PALM2AKAP2: variants seen among roughly 807,000 people sequenced by gnomAD.
PALM2AKAP2 encodes PALM2-AKAP2 fusion protein.
PALM2AKAP2 carries 37 observed loss-of-function variants against 71.5 expected under a neutral mutation model. That is an observed-to-expected ratio of 0.52 (90% confidence interval 0.40 to 0.68). The LOEUF is 0.68. PALM2AKAP2 is among the 30% of genes least tolerant of loss of function. The probability of loss-of-function intolerance (pLI) is 0.00; values close to 1 mark genes in which losing one functional copy is unlikely to be tolerated. For synonymous variants in PALM2AKAP2, 468 were observed against 478.8 expected (o/e 0.98, Z 0.29); for missense variants, 1,224 against 1,191.8 (o/e 1.03, Z -0.40).
intron 1 of PALM2AKAP2, among the ~76,000 whole-genome samples, chr9:110,117,717 G>A (rs1835393164): frequency 6.6e-6 from 1 of 152,098 alleles, no homozygotes; most frequent in African/African-American, 2.4e-5. Context: ...ATCCATTCCT[G>A]GGTTGACCAT....
At chr9:109,965,792 G>A (rs1386708874) in intron 6 of PALM2AKAP2, among the ~76,000 whole-genome samples, 1 of 152,008 alleles carries the variant, frequency 6.6e-6, no homozygotes, top group East Asian at 1.9e-4. Flanking sequence ...AAGATACTCA[G>A]GGGGAAAAAA....
chr9:110,125,578 G>GGC (rs1588123086), intron 1 of PALM2AKAP2: 4 of 985,344 alleles, frequency 4.1e-6, no homozygotes, highest in Non-Finnish European at 4.8e-6. Flanking sequence ...GGAGGTTTGA[G>GGC]GCGCGCGCTC....
intron 6 of PALM2AKAP2, among the ~76,000 whole-genome samples, chr9:110,007,298 G>T (rs534381380): frequency 2.0e-5 from 3 of 152,216 alleles, no homozygotes; most frequent in African/African-American, 7.2e-5. Flanking sequence ...GTTGTTTAAT[G>T]CCCCATTAAA....
chr9:109,915,669 A>G (rs2131914060), intron 3 of PALM2AKAP2, among the ~76,000 whole-genome samples: 1 of 152,234 alleles, frequency 6.6e-6, no homozygotes, highest in South Asian at 2.1e-4. Context: ...TACGTAAAAC[A>G]CTCATAACAG....
intron 3 of PALM2AKAP2, among the ~76,000 whole-genome samples, chr9:109,894,459 T>C (rs1239054165): frequency 6.6e-6 from 1 of 152,192 alleles, no homozygotes; most frequent in Middle Eastern, 3.2e-3. Context: ...GAAAGTATGG[T>C]CCAGGGACTG....
chr9:109,839,850 C>T (rs1253529340), intron 1 of PALM2AKAP2, among the ~76,000 whole-genome samples: 3 of 152,052 alleles, frequency 2.0e-5, no homozygotes, highest in Non-Finnish European at 2.9e-5. Flanking sequence ...AACCACTGCT[C>T]AACGAAATAG....
At chr9:110,137,152 C>T (rs770245489) in exon 2 of PALM2AKAP2, 4 of 1,613,554 alleles carry the variant, frequency 2.5e-6, no homozygotes, top group South Asian at 1.1e-5. Flanking sequence ...CTCATGAACG[C>T]GCAAGCATGA....
At chr9:109,764,126 T>C (rs142540593) in intron 1 of PALM2AKAP2, among the ~76,000 whole-genome samples, 83 of 152,192 alleles carry the variant, frequency 5.5e-4, no homozygotes, top group African/African-American at 2.0e-3. Context: ...CTTATAATAG[T>C]CTCCTTGCCT....
intron 1 of PALM2AKAP2, among the ~76,000 whole-genome samples, chr9:109,699,536 A>G (rs771589858): frequency 2.6e-4 from 40 of 152,226 alleles, no homozygotes; most frequent in Non-Finnish European, 4.7e-4. Context: ...ATAGGCCAGA[A>G]CATTATTCCA....
At chr9:109,684,753 G>A (rs1827784612) in intron 1 of PALM2AKAP2, among the ~76,000 whole-genome samples, 1 of 152,106 alleles carries the variant, frequency 6.6e-6, no homozygotes, top group Non-Finnish European at 1.5e-5. Context: ...GCTGAAAAGA[G>A]GTTAAACATA....
rs958927406 is a variant in PALM2AKAP2, at chr9:109,855,969, A to G, written c.46-11522A>G. Among the ~76,000 whole-genome samples the G allele has an allele frequency of 2.1e-4, 32 of 152,222 alleles. 1 individual carries two copies. The highest frequency in any genetic ancestry group is 5.9e-5 in the Non-Finnish European group (4 of 68,018). ...AATATGTTTTTAAAACATTGCAATT[A>G]TTAACAAAGTGGTAGTTTCTTTCAT... On this transcript the variant is annotated intron_variant, in intron 1 of 9. Transcript: ENST00000302798.
In PALM2AKAP2 at chr9:109,851,545, A is replaced by G. The variant is rs1206619207; in HGVS notation, c.46-15946A>G. Among the ~76,000 whole-genome samples the G allele has an allele frequency of 3.9e-5, 6 of 152,340 alleles. No homozygotes were observed. In the South Asian group the frequency reaches 1.0e-3, roughly 26 times the overall value. ...ATACACATGTTATCTACCTGGTGAT[A>G]GATACCAAAGGGAAGCAAAGTACCA... On this transcript the variant is annotated intron_variant, in intron 1 of 9. Coordinates refer to the PALM2AKAP2 transcript ENST00000302798.
chr9:109,776,581 A>C (rs1829351394), upstream of PALM2AKAP2, among the ~76,000 whole-genome samples: 1 of 152,230 alleles, frequency 6.6e-6, no homozygotes, highest in East Asian at 1.9e-4. Context: ...ATTGCCTGCC[A>C]TACCATGGCT....
At chr9:109,939,956 A>G (rs1416128574) in intron 6 of PALM2AKAP2, among the ~76,000 whole-genome samples, 1 of 152,228 alleles carries the variant, frequency 6.6e-6, no homozygotes, top group Non-Finnish European at 1.5e-5. Context: ...AACAGAGTGT[A>G]TCTTATTATG....
At chr9:110,036,190 C>T (rs1458610307) in intron 7 of PALM2AKAP2, among the ~76,000 whole-genome samples, 2 of 152,188 alleles carry the variant, frequency 1.3e-5, no homozygotes, top group African/African-American at 4.8e-5. Context: ...CCGCCTTGGC[C>T]TCCCAAAGTG....
chr9:109,719,546 C>T (rs1828375153), intron 1 of PALM2AKAP2, among the ~76,000 whole-genome samples: 1 of 152,220 alleles, frequency 6.6e-6, no homozygotes. Flanking sequence ...GGATGATTCA[C>T]TTGGCAGTTA....
intron 1 of PALM2AKAP2, among the ~76,000 whole-genome samples, chr9:109,716,293 T>C (rs1002980727): frequency 2.6e-5 from 4 of 152,308 alleles, no homozygotes; most frequent in African/African-American, 9.6e-5. Flanking sequence ...GGCGTAACTG[T>C]GCATGGTTCC....
At chr9:110,152,070 C>G (rs113856852) in intron 2 of PALM2AKAP2, among the ~76,000 whole-genome samples, 29,975 of 152,048 alleles carry the variant, frequency 0.2, 3,173 homozygotes, top group South Asian at 0.3. Flanking sequence ...AACCCTGTCT[C>G]TAGTAAAAAT....
intron 1 of PALM2AKAP2, among the ~76,000 whole-genome samples, chr9:109,654,433 TA>T (rs1422764512): frequency 1.3e-5 from 2 of 152,220 alleles, no homozygotes; most frequent in Non-Finnish European, 2.9e-5. Context: ...CTAAGCTTTA[TA>T]AAGACAATGC....
Sources: allele counts gnomAD v4.1 joint callset (sites outside exome capture counted in the v4.1 genomes callset), GRCh38; gene constraint gnomAD v4.1.1; transcripts MANE v1.5; gene names NCBI Gene and HGNC (gene_info 2026-07-23, HGNC 2026-07-21).